RNF213: variants seen among roughly 807,000 people sequenced by gnomAD.
RNF213 encodes ring finger protein 213.
Under a neutral mutation model 514.4 loss-of-function variants are expected in RNF213, and 341 were observed. The observed-to-expected ratio is 0.66, with a 90% CI of 0.61 to 0.73. The LOEUF (loss-of-function observed/expected upper bound fraction) is 0.73, where lower values mean the gene tolerates loss of function less well. RNF213 is among the 30% of genes least tolerant of loss of function. The pLI, the probability that RNF213 is intolerant of heterozygous loss-of-function variation, is 0.00. For synonymous variants in RNF213, 2,655 were observed against 2,658.2 expected (o/e 1.00, Z 0.04); for missense variants, 5,767 against 6,615.6 (o/e 0.87, Z 4.45).
intron 63 of RNF213, among the ~76,000 whole-genome samples, chr17:80,387,419 T>C (rs2080281790): frequency 6.6e-6 from 1 of 152,236 alleles, no homozygotes; most frequent in African/African-American, 2.4e-5. Flanking sequence ...TGTTGAGGTC[T>C]TGATTCTACC....
chr17:80,306,606 C>T, intron 12 of RNF213, 138 bp downstream of exon 12: 1 of 847,044 alleles, frequency 1.2e-6, no homozygotes, highest in Admixed American at 2.0e-5. Flanking sequence ...AATCCCAGCA[C>T]TTTGGGAGGC....
Position 80,353,029 on chromosome 17 carries a change from C to T in RNF213, c.10393C>T (p.Gln3465Ter). 1 of 1,613,500 alleles carries T rather than the reference C, an allele frequency of 6.2e-7. No individual in the cohort carries two copies. The highest frequency in any genetic ancestry group is 8.5e-7 in the Non-Finnish European group (1 of 1,180,042). Residue 3465 changes from glutamine to a stop codon, truncating the protein, a stop_gained, in exon 33 of 68, where the codon CAG becomes TAG. Transcript: ENST00000582970. LOFTEE classifies it high-confidence loss of function. The surrounding 1 kb of genome is among the most constrained non-coding windows in gnomAD (Gnocchi z 5.0). ...VTRLQHVTISQLFAPGDLPEL... is the reference protein window; with the variant it reads ...VTRLQHVTIS ...CAGGCTGCAGCATGTCACCATCAGC[C>T]AGCTGTTCGCGCCCGGAGACTTGCC...
chr17:80,382,955 TAC>T (rs780439161), intron 57 of RNF213, 22 bp from the exon 58 acceptor site: 1 of 1,512,536 alleles, frequency 6.6e-7, no homozygotes, highest in South Asian at 1.1e-5. Flanking sequence ...TTGGGTAACC[TAC>T]ACATTTGGAG....
At chr17:80,307,090 A>C in intron 12 of RNF213, 38 bp from the exon 13 acceptor site, 1 of 1,597,560 alleles carries the variant, frequency 6.3e-7, no homozygotes, top group Non-Finnish European at 8.6e-7. Flanking sequence ...ATTGTGATTC[A>C]ATCTTTTGTC....
chr17:80,343,389 G>T lies in RNF213; in HGVS notation c.6183+64G>T, dbSNP rs1279588872. The stretch of plus-strand genomic sequence containing the variant: ...AAAGACGTGGTCCCCATGTCTCTGC[G>T]TGACTCCTCCCCGTGTATAGAATTC... On this transcript the variant is annotated intron_variant, in intron 27 of 67. Transcript: ENST00000582970. The surrounding 1 kb of genome is among the most constrained non-coding windows in gnomAD (Gnocchi z 4.3). 4.4e-6 allele frequency: 6 copies of T among 1,365,620 alleles called. No homozygotes were observed. Among genetic ancestry groups the T allele is most frequent in the Non-Finnish European group, 4.1e-6 (4 of 970,806 alleles). The allele number at this position is 1,365,620 out of a possible 1,614,324, so 84.6% of individuals were successfully genotyped here.
rs113540778 is a variant in RNF213 at position 80,281,636 on chromosome 17, C to T, written c.262-6179C>T. ...ACACCACTCACACACACCCCCAACA[C>T]ACACTCCCCACTCACCCCACTCACA... On this transcript the variant is annotated intron_variant, in intron 3 of 67. Coordinates refer to ENST00000582970, the MANE Select transcript of RNF213 (RefSeq NM_001256071.3). Among the ~76,000 whole-genome samples the T allele has an allele frequency of 8.4e-5, 10 of 119,176 alleles. No individual in the cohort carries two copies. The South Asian group carries it at 9.0e-4, about 11-fold the overall frequency. 78.2% of individuals were successfully genotyped at this position (119,176 alleles called of 152,430 possible).
At chr17:80,298,232 G>A (rs754551738) in intron 10 of RNF213, 89 bp from the exon 11 acceptor site, 132 of 1,348,504 alleles carry the variant, frequency 9.8e-5, no homozygotes, top group Admixed American at 9.5e-5. Flanking sequence ...CTGTGTGCAC[G>A]GTGCTTGCTT....
intron 11 of RNF213, 183 bp downstream of exon 11, chr17:80,298,701 A>T: frequency 1.5e-6 from 1 of 674,296 alleles, no homozygotes; most frequent in Admixed American, 2.3e-5. Context: ...ACAGTGGCTC[A>T]CGCCTGTAAT....
chr17:80,319,030 G>A (rs1333448493), intron 16 of RNF213, among the ~76,000 whole-genome samples, 160 bp from the exon 17 acceptor site: 4 of 152,170 alleles, frequency 2.6e-5, no homozygotes, highest in East Asian at 1.9e-4. Flanking sequence ...TACTGGTGGG[G>A]GGCAGGGAGG....
intron 29 of RNF213, among the ~76,000 whole-genome samples, chr17:80,349,212 GTGA>G (rs2078417336): frequency 6.6e-6 from 1 of 152,204 alleles, no homozygotes; most frequent in South Asian, 2.1e-4. Flanking sequence ...TGGGAGGCTA[GTGA>G]TGATGTCCGC....
chr17:80,293,022 T>TTATA (rs1375761358), intron 8 of RNF213, among the ~76,000 whole-genome samples: 4 of 152,266 alleles, frequency 2.6e-5, no homozygotes, highest in African/African-American at 9.6e-5. Flanking sequence ...CCTAAGAACT[T>TTATA]TATAGAGTAT....
At position 80,332,217 on chromosome 17, in the gene RNF213, G is replaced by A. The variant is rs760014106; in HGVS notation, c.3729G>A (p.Pro1243=). The change falls in exon 21 of 68, where the codon CCG becomes CCA. Residue 1243 remains proline (P), a synonymous_variant. Transcript: ENST00000582970. The part of the protein sequence containing the change: ...FQLFWREAAE[P]LSEPKEDQEA... ...TCTTCTGGCGGGAAGCCGCAGAGCC[G>A]CTGAGTGAGCCTAAGGAGGACCAGG... 2.3e-4 allele frequency: 352 copies of A among 1,537,084 alleles called. No homozygotes were observed. The highest frequency in any genetic ancestry group is 2.8e-4 in the Non-Finnish European group (325 of 1,146,936).
At chr17:80,266,636 G>A (rs2043620464) in intron 2 of RNF213, among the ~76,000 whole-genome samples, 2 of 151,900 alleles carry the variant, frequency 1.3e-5, no homozygotes, top group Admixed American at 1.3e-4. Flanking sequence ...CAAGTAGCGG[G>A]GATTACAGGC....
At chr17:80,360,338 T>C in intron 38 of RNF213, 132 bp downstream of exon 38, 1 of 1,043,554 alleles carries the variant, frequency 9.6e-7, no homozygotes, top group South Asian at 1.4e-5. Flanking sequence ...ACTTTGTTTG[T>C]GCAGTAAGCG....
Position 80,313,020 on chromosome 17 carries a change from A to G in RNF213, c.2664A>G (p.Ala888=). The change falls in exon 15 of 68, where the codon GCA becomes GCG. Residue 888 remains alanine (A), a synonymous_variant. Coordinates refer to ENST00000582970, the MANE Select transcript of RNF213 (RefSeq NM_001256071.3). ...MIRLLSLVDS[A]GQRDETGNNS... Reference sequence around the variant, plus strand: ...CTCTTGTGTGACAACAGGATTCTGCAGGACAGAGAGATGAAACTGGAAATA... The same window carrying G: ...CTCTTGTGTGACAACAGGATTCTGCGGGACAGAGAGATGAAACTGGAAATA... 1 of 1,613,906 alleles carries G rather than the reference A, an allele frequency of 6.2e-7. No individual in the cohort carries two copies. Among genetic ancestry groups the G allele is most frequent in the South Asian group, 1.1e-5 (1 of 91,086 alleles).
intron 17 of RNF213, chr17:80,320,386 C>T (rs1009879894): frequency 6.6e-6 from 1 of 152,138 alleles, no homozygotes; most frequent in Non-Finnish European, 1.5e-5. Flanking sequence ...GAGTTTCACT[C>T]TTTTTGCCCA....
In RNF213 at chr17:80,372,507, TC is replaced by T; in HGVS notation, c.12538-12del. The T allele has an allele frequency of 6.3e-7, 1 of 1,596,198 alleles. No homozygotes were observed. Among genetic ancestry groups the T allele is most frequent in the South Asian group, 1.1e-5 (1 of 90,180 alleles). ...AAAATAATATCCTTTTCTTTCTTGT[TC>T]CTTGTTCCTCAGGATTCAATACTTG... On this transcript the variant is annotated splice_polypyrimidine_tract_variant and intron_variant, in intron 47 of 67. Coordinates refer to ENST00000582970, the MANE Select transcript of RNF213 (RefSeq NM_001256071.3).
At chr17:80,308,125 G>T (rs1364586446) in intron 13 of RNF213, among the ~76,000 whole-genome samples, 1 of 152,064 alleles carries the variant, frequency 6.6e-6, no homozygotes, top group Non-Finnish European at 1.5e-5. Context: ...ACAGAATGCA[G>T]AACCACTGAA....
chr17:80,372,895 T>TG, intron 48 of RNF213, 80 bp from the exon 49 acceptor site: 2 of 1,470,758 alleles, frequency 1.4e-6, no homozygotes, highest in Non-Finnish European at 1.9e-6. Flanking sequence ...GTAGGTCCGA[T>TG]GCCCTCTGGT....
Sources: gnomAD v4.1 joint callset for allele counts (sites outside exome capture counted in the v4.1 genomes callset) on GRCh38, gnomAD v4.1.1 for gene constraint, Gnocchi (gnomAD v3.1) non-coding constraint, MANE v1.5 for transcripts, NCBI Gene and HGNC (gene_info 2026-07-23, HGNC 2026-07-21) for gene names.